The following TBC1D2 variants were observed in gnomAD, a reference collection of about 807,000 sequenced individuals.
The protein encoded by TBC1D2 is TBC1 domain family member 2A.
A neutral mutation model predicts 91.1 loss-of-function variants in TBC1D2; 58 were observed. The observed-to-expected ratio is 0.64, with a 90% CI of 0.52 to 0.79. TBC1D2 has a LOEUF of 0.79. Ranked by LOEUF, TBC1D2 falls within the 30% of genes least tolerant of loss-of-function variation. The pLI, the probability that TBC1D2 is intolerant of heterozygous loss-of-function variation, is 0.00. For synonymous variants in TBC1D2, 482 were observed against 511.5 expected, an observed-to-expected ratio of 0.94 and a Z score of 0.78; for missense variants, 1,080 against 1,208.3, an observed-to-expected ratio of 0.89 and a Z score of 1.57.
At chr9:98,245,464 G>A (rs1239240072) in intron 2 of TBC1D2, among the ~76,000 whole-genome samples, 5 of 152,080 alleles carry the variant, frequency 3.3e-5, no homozygotes, top group Non-Finnish European at 7.4e-5. Flanking sequence ...CTACTTGGGA[G>A]GCTGAGGTGG....
intron 3 of TBC1D2, among the ~76,000 whole-genome samples, chr9:98,240,393 G>T (rs1241395494): frequency 6.6e-6 from 1 of 152,186 alleles, no homozygotes; most frequent in Admixed American, 6.5e-5. Flanking sequence ...CCTTGGCCTA[G>T]TGACTTCCCT....
intron 3 of TBC1D2, among the ~76,000 whole-genome samples, chr9:98,240,215 A>G (rs1333028531): frequency 1.3e-5 from 2 of 151,426 alleles, no homozygotes; most frequent in African/African-American, 4.9e-5. Context: ...TGGGCCCAGA[A>G]TAAGAAAATA....
At chr9:98,208,575 G>A in intron 9 of TBC1D2, 93 bp downstream of exon 9, 1 of 1,329,970 alleles carries the variant, frequency 7.5e-7, no homozygotes. Flanking sequence ...CCCCTTAACA[G>A]GCCACAGATG....
intron 5 of TBC1D2, among the ~76,000 whole-genome samples, chr9:98,225,124 C>A (rs973218209): frequency 6.6e-6 from 1 of 152,184 alleles, no homozygotes; most frequent in Non-Finnish European, 1.5e-5. Flanking sequence ...CTAAGGTGGC[C>A]CCAGAGGGCC....
intron 3 of TBC1D2, among the ~76,000 whole-genome samples, chr9:98,236,061 A>C (rs1829496949): frequency 6.6e-6 from 1 of 151,662 alleles, no homozygotes; most frequent in Non-Finnish European, 1.5e-5. Context: ...AAAATCAGGG[A>C]GTTGTCATGA....
intron 2 of TBC1D2, among the ~76,000 whole-genome samples, chr9:98,247,510 C>T (rs1043211671): frequency 6.6e-6 from 1 of 152,022 alleles, no homozygotes; most frequent in East Asian, 1.9e-4. Flanking sequence ...GGGTGGAGCA[C>T]GAGGTCAGGA....
intron 6 of TBC1D2, among the ~76,000 whole-genome samples, chr9:98,214,030 G>T (rs1828913797): frequency 6.6e-6 from 1 of 152,210 alleles, no homozygotes; most frequent in Non-Finnish European, 1.5e-5. Flanking sequence ...AATTCTGCTG[G>T]GATGGACATT....
In TBC1D2 at chr9:98,209,186, T is replaced by G. The variant is rs768721893; in HGVS notation, c.1674-42A>C. On this transcript the variant is annotated intron_variant, in intron 8 of 12. Transcript: ENST00000465784. ...ACGTTAGCAACACCTTGCAGAGCCC[T>G]TCCCTAGATAAGGGGTGGTGGTGAC... 5 of 1,574,698 alleles carry G rather than the reference T, an allele frequency of 3.2e-6. No individual in the cohort carries two copies. The Admixed American group carries it at 8.5e-5, about 27-fold the overall frequency.
rs774002452 is a variant in TBC1D2, at chr9:98,210,626, G to A, written c.1673+30C>T. The A allele has an allele frequency of 1.5e-5, 23 of 1,543,776 alleles. 1 individual carries two copies. The South Asian group carries it at 2.6e-4, about 17-fold the overall frequency. ...TGGGGAGGAGCCGCCAGCTCACATA[G>A]ACCAGCCCTTCCTGGGCCGCCAGGC... On this transcript the variant is annotated intron_variant, in intron 8 of 12. Coordinates refer to ENST00000465784, the MANE Select transcript of TBC1D2 (RefSeq NM_001267571.2).
chr9:98,201,678 A>T lies in TBC1D2; in HGVS notation c.2272-14T>A, dbSNP rs1186625804. 1 of 1,604,614 alleles carries T rather than the reference A, an allele frequency of 6.2e-7. No individual in the cohort carries two copies. Among genetic ancestry groups the T allele is most frequent in the Non-Finnish European group, 8.5e-7 (1 of 1,175,264 alleles). On this transcript the variant is annotated splice_polypyrimidine_tract_variant and intron_variant, in intron 10 of 12. Coordinates refer to ENST00000465784, the MANE Select transcript of TBC1D2 (RefSeq NM_001267571.2). ...CCGCTGGTCCACCTGGAAGCCAGCG[A>T]GAGGGCCTGTCATCTGCAGCCCCAG...
At position 98,255,381 on chromosome 9, in the gene TBC1D2, T is replaced by C. The variant is rs1158823909; in HGVS notation, c.161A>G (p.Lys54Arg). ...VPKKLCGYLSKFGGKGPIRGW... is the reference protein window; with the variant it reads ...VPKKLCGYLSRFGGKGPIRGW... Reference sequence around the variant, plus strand: ...CCGGATGGGCCCTTTGCCGCCGAACTTACTTAAATACCCACAGAGTTTCTT... The same window carrying C: ...CCGGATGGGCCCTTTGCCGCCGAACCTACTTAAATACCCACAGAGTTTCTT... Residue 54 changes from lysine (K) to arginine (R), a missense_variant, in exon 1 of 13, where the codon AAG becomes AGG. Coordinates refer to ENST00000465784, the MANE Select transcript of TBC1D2 (RefSeq NM_001267571.2). 6.2e-7 allele frequency: 1 copy of C among 1,614,104 alleles called. No individual in the cohort carries two copies. The highest frequency in any genetic ancestry group is 8.5e-7 in the Non-Finnish European group (1 of 1,180,046).
At chr9:98,233,591 G>A (rs909931228) in intron 3 of TBC1D2, 42 bp from the exon 4 acceptor site, 3 of 1,605,302 alleles carry the variant, frequency 1.9e-6, no homozygotes, top group Non-Finnish European at 2.6e-6. Context: ...GCTGAACCCT[G>A]CCTTTCTGCC....
rs753455224 is a variant in TBC1D2 at position 98,232,342 on chromosome 9, G to GTTTTTTTTTTTTTTTTTTTTTTTTTT, written c.781+1073_781+1074insAAAAAAAAAAAAAAAAAAAAAAAAAA. On this transcript the variant is annotated intron_variant, in intron 4 of 12. Transcript: ENST00000465784. ...TTTCTTTTCTTCTTTCTCTTTTTCTGTTTTTTTTTTTGACAGTGTCTCACT... is the reference window on the plus strand; with the variant it reads ...TTTCTTTTCTTCTTTCTCTTTTTCTGTTTTTTTTTTTTTTTTTTTTTTTTTTTTTTTTTTTTTGACAGTGTCTCACT... Among the ~76,000 whole-genome samples the GTTTTTTTTTTTTTTTTTTTTTTTTTT allele has an allele frequency of 9.2e-5, 8 of 86,776 alleles. 2 individuals are homozygous for GTTTTTTTTTTTTTTTTTTTTTTTTTT. Among genetic ancestry groups the GTTTTTTTTTTTTTTTTTTTTTTTTTT allele is most frequent in the Admixed American group, 3.6e-4 (3 of 8,334 alleles). 56.9% of individuals were successfully genotyped at this position (86,776 alleles called of 152,430 possible). A position where few individuals can be genotyped will look rare whatever the true frequency, so the allele number is the denominator to read the frequency against.
chr9:98,248,560 G>A (rs1487346662), intron 2 of TBC1D2, among the ~76,000 whole-genome samples: 1 of 152,218 alleles, frequency 6.6e-6, no homozygotes, highest in Non-Finnish European at 1.5e-5. Flanking sequence ...GGGAGGGCAG[G>A]TTATGAGTCT....
At chr9:98,223,231 G>A (rs1829142594) in intron 5 of TBC1D2, among the ~76,000 whole-genome samples, 1 of 152,232 alleles carries the variant, frequency 6.6e-6, no homozygotes, top group African/African-American at 2.4e-5. Flanking sequence ...TGTGAAGAAT[G>A]AGAAGGGCCA....
intron 3 of TBC1D2, among the ~76,000 whole-genome samples, chr9:98,234,538 A>T (rs1038297708): frequency 2.0e-5 from 3 of 152,314 alleles, no homozygotes; most frequent in Middle Eastern, 3.4e-3. Context: ...ACCAGCATTT[A>T]AAAAATGAAA....
chr9:98,226,344 G>A (rs1829233460), intron 5 of TBC1D2, among the ~76,000 whole-genome samples: 1 of 152,192 alleles, frequency 6.6e-6, no homozygotes, highest in South Asian at 2.1e-4. Context: ...CTCACTGCTT[G>A]TAGGGCAGGA....
In TBC1D2 at chr9:98,244,132, G is replaced by C. The variant is rs1293497042; in HGVS notation, c.512-3C>G. 2 of 1,612,620 alleles carry C rather than the reference G, an allele frequency of 1.2e-6. No homozygotes were observed. The highest frequency in any genetic ancestry group is 3.3e-5 in the Admixed American group (2 of 59,786). The stretch of plus-strand genomic sequence containing the variant: ...CTCCAGCTCTGCCTCTTCTTGCCCT[G>C]GGAACAAAGAAAAGGGAAATCCATC... On this transcript the variant is annotated splice_region_variant and splice_polypyrimidine_tract_variant and intron_variant, in intron 2 of 12. Transcript: ENST00000465784.
intron 2 of TBC1D2, among the ~76,000 whole-genome samples, chr9:98,249,825 C>T (rs570112931): frequency 6.6e-6 from 1 of 152,156 alleles, no homozygotes; most frequent in African/African-American, 2.4e-5. Context: ...TGAGCACTTA[C>T]TATGTGCCTG....
Sources: allele counts gnomAD v4.1 joint callset (sites outside exome capture counted in the v4.1 genomes callset), GRCh38; gene constraint gnomAD v4.1.1; transcripts MANE v1.5; gene names NCBI Gene and HGNC (gene_info 2026-07-23, HGNC 2026-07-21).